The following DCLK1 variants were observed in gnomAD, a reference collection of about 807,000 sequenced individuals.
DCLK1 encodes the protein serine/threonine-protein kinase DCLK1.
A neutral mutation model predicts 86.2 loss-of-function variants in DCLK1; 16 were observed. That is an observed-to-expected ratio of 0.19 (90% CI 0.13 to 0.28). The LOEUF is 0.28. DCLK1 is among the 10% of genes least tolerant of loss of function. The pLI, the probability that DCLK1 is intolerant of heterozygous loss-of-function variation, is 1.00. For missense variants in DCLK1, 590 were observed against 940.2 expected, an observed-to-expected ratio of 0.63 and a Z score of 4.87; for synonymous variants, 369 against 370.5, an observed-to-expected ratio of 1.00 and a Z score of 0.05.
At chr13:35,803,311 A>C (rs2086960287) in intron 15 of DCLK1, among the ~76,000 whole-genome samples, 1 of 152,180 alleles carries the variant, frequency 6.6e-6, no homozygotes. Context: ...GAAAAGGATA[A>C]CTTTTGCTTA....
At chr13:36,100,179 C>CAAAAAAAAAAAAAAAAAA (rs58824322) in intron 3 of DCLK1, among the ~76,000 whole-genome samples, 1 of 37,702 alleles carries the variant, frequency 2.7e-5, no homozygotes, top group Non-Finnish European at 4.3e-5. Flanking sequence ...CCTGTCTCTA[C>CAAAAAAAAAAAAAAAAAA]AAAAAAAAAA....
At chr13:35,854,725 T>C (rs2153110710) in intron 5 of DCLK1, 132 bp from the exon 6 acceptor site, 3 of 614,176 alleles carry the variant, frequency 4.9e-6, no homozygotes, top group African/African-American at 1.9e-5. Context: ...CTTCCATATG[T>C]ACACTGAGGA....
chr13:35,904,514 C>T (rs1170355485), intron 4 of DCLK1, among the ~76,000 whole-genome samples: 1 of 152,162 alleles, frequency 6.6e-6, no homozygotes, highest in Admixed American at 6.5e-5. Flanking sequence ...CTTCTAAAGA[C>T]TCTTTAACTG....
chr13:36,113,227 A>G (rs1250409990), intron 2 of DCLK1, among the ~76,000 whole-genome samples: 2 of 152,240 alleles, frequency 1.3e-5, no homozygotes, highest in Non-Finnish European at 2.9e-5. Context: ...TTAAATTCAC[A>G]GTGCAAGCAT....
intron 6 of DCLK1, among the ~76,000 whole-genome samples, chr13:35,841,746 G>A (rs772888387): frequency 5.3e-5 from 8 of 152,076 alleles, no homozygotes; most frequent in Non-Finnish European, 1.0e-4. Context: ...TATTTATTAT[G>A]CTCAAAGACA....
At chr13:35,792,535 G>A (rs977933100) in intron 16 of DCLK1, among the ~76,000 whole-genome samples, 2 of 152,048 alleles carry the variant, frequency 1.3e-5, no homozygotes, top group Admixed American at 6.6e-5. Context: ...TCTTTGTTTG[G>A]AGAAGAAAAA....
At chr13:35,853,545 AAG>A (rs1373236890) in intron 6 of DCLK1, among the ~76,000 whole-genome samples, 1 of 152,204 alleles carries the variant, frequency 6.6e-6, no homozygotes, top group African/African-American at 2.4e-5. Context: ...AGAAATCTTG[AAG>A]AGAGGGCCTT....
intron 4 of DCLK1, among the ~76,000 whole-genome samples, chr13:35,891,111 C>T (rs1873618725): frequency 6.6e-6 from 1 of 151,984 alleles, no homozygotes; most frequent in Non-Finnish European, 1.5e-5. Context: ...GATATTTAAA[C>T]AAAAGGTCAC....
chr13:35,942,474 C>T (rs1053770386), intron 4 of DCLK1, among the ~76,000 whole-genome samples: 2 of 152,182 alleles, frequency 1.3e-5, no homozygotes, highest in South Asian at 2.1e-4. Context: ...TGAGCCACTG[C>T]GCCTGGCCTC....
intron 3 of DCLK1, among the ~76,000 whole-genome samples, chr13:36,007,492 A>G (rs1211756739): frequency 1.3e-5 from 2 of 152,176 alleles, no homozygotes; most frequent in African/African-American, 4.8e-5. Flanking sequence ...AGAATCCTCA[A>G]AATATCTTGG....
chr13:36,129,167 TTCTGTTACCAGA>T (rs1886284853), intron 1 of DCLK1, among the ~76,000 whole-genome samples: 1 of 152,200 alleles, frequency 6.6e-6, no homozygotes, highest in Non-Finnish European at 1.5e-5. Context: ...GATGGCACAG[TTCTGTTACCAGA>T]AAGAGTGCAC....
At chr13:36,093,922 T>A (rs1301479199) in intron 3 of DCLK1, among the ~76,000 whole-genome samples, 1 of 130,790 alleles carries the variant, frequency 7.6e-6, no homozygotes, top group African/African-American at 3.5e-5. Flanking sequence ...GCACAAAAAA[T>A]TATTATTATT....
chr13:36,051,459 T>C (rs1205654932), intron 3 of DCLK1, among the ~76,000 whole-genome samples: 1 of 152,186 alleles, frequency 6.6e-6, no homozygotes, highest in African/African-American at 2.4e-5. Flanking sequence ...TTTTTTTTTA[T>C]TTCTTTAACA....
Position 35,854,602 on chromosome 13 carries a change from A to G in DCLK1, c.941-9T>C. Reference sequence around the variant, plus strand: ...ACCAGGGGTTCCATTAACTAGAAATACAAAGAATCACACACAGAGAAAAAT... The same window carrying G: ...ACCAGGGGTTCCATTAACTAGAAATGCAAAGAATCACACACAGAGAAAAAT... On this transcript the variant is annotated splice_polypyrimidine_tract_variant and intron_variant, in intron 5 of 16. Coordinates refer to ENST00000360631, the MANE Select transcript of DCLK1 (RefSeq NM_001330071.2). 6.3e-7 allele frequency: 1 copy of G among 1,576,710 alleles called. No homozygotes were observed. Among genetic ancestry groups the G allele is most frequent in the Non-Finnish European group, 8.6e-7 (1 of 1,160,496 alleles).
intron 2 of DCLK1, among the ~76,000 whole-genome samples, chr13:36,117,510 T>C (rs978996379): frequency 2.0e-5 from 3 of 152,062 alleles, no homozygotes; most frequent in Non-Finnish European, 2.9e-5. Flanking sequence ...AAAGTATAAA[T>C]AGAAAACACC....
intron 3 of DCLK1, among the ~76,000 whole-genome samples, chr13:35,949,659 G>T (rs539269956): frequency 6.6e-6 from 1 of 151,988 alleles, no homozygotes; most frequent in Admixed American, 6.6e-5. Context: ...CCTACTCATC[G>T]GTGTGTGCAT....
At chr13:35,838,300 G>T (rs1309207802) in intron 7 of DCLK1, among the ~76,000 whole-genome samples, 1 of 151,758 alleles carries the variant, frequency 6.6e-6, no homozygotes, top group Non-Finnish European at 1.5e-5. Flanking sequence ...CTTCCCAAAG[G>T]GTACTTTTTT....
chr13:35,896,538 C>CAA (rs10675684), intron 4 of DCLK1, among the ~76,000 whole-genome samples: 12,826 of 42,566 alleles, frequency 0.3, 2,241 homozygotes, highest in Non-Finnish European at 0.34. Flanking sequence ...AATTCCACCT[C>CAA]AAAAAAAAAA....
At chr13:35,848,586 G>A in intron 6 of DCLK1, 2 of 985,250 alleles carry the variant, frequency 2.0e-6, no homozygotes, top group Non-Finnish European at 2.4e-6. Context: ...TTTTTGCCCT[G>A]TCTAAACAAA....
Sources: allele counts gnomAD v4.1 joint callset (sites outside exome capture counted in the v4.1 genomes callset), GRCh38; gene constraint gnomAD v4.1.1; transcripts MANE v1.5; gene names NCBI Gene and HGNC (gene_info 2026-07-23, HGNC 2026-07-21).